Variants in RGSL1 observed in about 807,000 individuals in gnomAD.
RGSL1 encodes regulator of G protein signaling protein-like.
A neutral mutation model predicts 124.7 loss-of-function variants in RGSL1; 97 were observed. The observed-to-expected ratio is 0.78, with a 90% CI of 0.66 to 0.92. RGSL1 has a LOEUF of 0.92. Among genes scored for constraint, RGSL1 ranks in the 40% least tolerant of loss-of-function variants. The pLI, the probability that RGSL1 is intolerant of heterozygous loss-of-function variation, is 0.00. For synonymous variants in RGSL1, 424 were observed against 438.1 expected, an observed-to-expected ratio of 0.97 and a Z score of 0.40; for missense variants, 1,233 against 1,288.4, an observed-to-expected ratio of 0.96 and a Z score of 0.66.
At chr1:182,532,943 C>A (rs1007910859) in intron 14 of RGSL1, among the ~76,000 whole-genome samples, 152 bp downstream of exon 14, 1 of 152,098 alleles carries the variant, frequency 6.6e-6, no homozygotes, top group African/African-American at 2.4e-5. Context: ...CAGGCCCAGG[C>A]CTTCCTAGAG....
chr1:182,492,561 T>G (rs930429798), intron 8 of RGSL1, among the ~76,000 whole-genome samples: 4 of 152,040 alleles, frequency 2.6e-5, no homozygotes, highest in African/African-American at 9.7e-5. Flanking sequence ...GCCTATAATT[T>G]AGCTTAGGGA....
chr1:182,492,656 C>A (rs1054474113), intron 8 of RGSL1, among the ~76,000 whole-genome samples: 4 of 150,706 alleles, frequency 2.7e-5, no homozygotes, highest in Middle Eastern at 6.8e-3. Flanking sequence ...ATGGATTCTC[C>A]CTCTGTGGCC....
At chr1:182,480,588 T>C (rs1178034619) in intron 6 of RGSL1, among the ~76,000 whole-genome samples, 3 of 151,954 alleles carry the variant, frequency 2.0e-5, no homozygotes, top group Non-Finnish European at 4.4e-5. Flanking sequence ...CCTGAGTAGC[T>C]GGAATTACAG....
intron 16 of RGSL1, 114 bp from the exon 17 acceptor site, chr1:182,548,586 T>A (rs1353207468): frequency 6.6e-7 from 1 of 1,509,818 alleles, no homozygotes; most frequent in Non-Finnish European, 8.9e-7. Flanking sequence ...AGCAACTCCA[T>A]GAAAACCGTA....
At chr1:182,517,852 A>G (rs1658015623) in intron 9 of RGSL1, among the ~76,000 whole-genome samples, 1 of 152,194 alleles carries the variant, frequency 6.6e-6, no homozygotes, top group South Asian at 2.1e-4. Context: ...GAGAGCTCAC[A>G]TATCACCATC....
chr1:182,499,487 T>C (rs1340716942), intron 9 of RGSL1, among the ~76,000 whole-genome samples: 1 of 152,248 alleles, frequency 6.6e-6, no homozygotes, highest in Admixed American at 6.5e-5. Context: ...GAAATTAGAA[T>C]AGCAACCTCT....
intron 1 of RGSL1, among the ~76,000 whole-genome samples, chr1:182,451,504 C>T (rs1029362289): frequency 3.5e-5 from 4 of 115,480 alleles, no homozygotes; most frequent in African/African-American, 8.0e-5. Flanking sequence ...ACATTTGAAG[C>T]AATGGGAATA....
At chr1:182,536,577 G>A (rs1489112328) in intron 14 of RGSL1, among the ~76,000 whole-genome samples, 1 of 152,136 alleles carries the variant, frequency 6.6e-6, no homozygotes, top group Non-Finnish European at 1.5e-5. Flanking sequence ...TCATGTGCTT[G>A]CTTGACATAT....
At chr1:182,466,821 T>C (rs266518) in intron 4 of RGSL1, among the ~76,000 whole-genome samples, 13,043 of 152,060 alleles carry the variant, frequency 0.086, 758 homozygotes, top group East Asian at 0.26. Context: ...AATAGAAACG[T>C]CAATCCTAAA....
At chr1:182,465,247 T>C (rs1165121597) in intron 4 of RGSL1, among the ~76,000 whole-genome samples, 5 of 152,042 alleles carry the variant, frequency 3.3e-5, no homozygotes, top group African/African-American at 7.3e-5. Flanking sequence ...AATCAAAAGA[T>C]ATAGAAAATC....
At chr1:182,541,593 A>G (rs1452791610) in intron 15 of RGSL1, among the ~76,000 whole-genome samples, 1 of 152,178 alleles carries the variant, frequency 6.6e-6, no homozygotes, top group African/African-American at 2.4e-5. Context: ...ATATATACCC[A>G]GTATTAGGAT....
Position 182,522,964 on chromosome 1 carries a change from A to G in RGSL1, c.1931+855A>G, listed in dbSNP as rs373596186. ...GTTGAGGATATAGTAGAACATATACATTTGCTAGTCAAAATCTCTGGCAGA... is the reference window on the plus strand; with the variant it reads ...GTTGAGGATATAGTAGAACATATACGTTTGCTAGTCAAAATCTCTGGCAGA... On this transcript the variant is annotated intron_variant, in intron 10 of 21. Transcript: ENST00000294854. Among the ~76,000 whole-genome samples, 10 of 152,236 alleles carry G rather than the reference A, an allele frequency of 6.6e-5. No homozygotes were observed. In the East Asian group the frequency reaches 1.2e-3, roughly 18 times the overall value.
At position 182,558,857 on chromosome 1, in the gene RGSL1, C is replaced by T. The variant is rs79322302; in HGVS notation, c.*166-1422C>T. Among the ~76,000 whole-genome samples, 616 of 152,214 alleles carry T rather than the reference C, an allele frequency of 4.0e-3. 3 individuals are homozygous for T. The highest frequency in any genetic ancestry group is 0.013 in the African/African-American group (549 of 41,520). ...TTTAAGGTCCTTAGCCTTAATTCCACCCACCAAATTCCTTTTGCTATGTAA... is the reference window on the plus strand; with the variant it reads ...TTTAAGGTCCTTAGCCTTAATTCCATCCACCAAATTCCTTTTGCTATGTAA... On this transcript the variant is annotated intron_variant, in intron 21 of 21. Coordinates refer to ENST00000294854, the MANE Select transcript of RGSL1 (RefSeq NM_001137669.2).
At chr1:182,472,159 C>G (rs1283521273) in intron 4 of RGSL1, among the ~76,000 whole-genome samples, 1 of 152,064 alleles carries the variant, frequency 6.6e-6, no homozygotes, top group African/African-American at 2.4e-5. Context: ...GATGGTTTTT[C>G]TAACACCAGC....
At chr1:182,537,155 T>G (rs74128945) in intron 14 of RGSL1, among the ~76,000 whole-genome samples, 1 of 152,088 alleles carries the variant, frequency 6.6e-6, no homozygotes. Context: ...ATCCTCCAAA[T>G]TCCAAAACTT....
intron 11 of RGSL1, among the ~76,000 whole-genome samples, chr1:182,530,004 C>T (rs1659044325): frequency 6.6e-6 from 1 of 152,104 alleles, no homozygotes; most frequent in Non-Finnish European, 1.5e-5. Flanking sequence ...CTTAAGCACT[C>T]ATCCTGCAAA....
chr1:182,460,490 C>A, intron 4 of RGSL1: 6 of 370,072 alleles, frequency 1.6e-5, no homozygotes, highest in South Asian at 1.3e-4. Flanking sequence ...AGTAAAATTG[C>A]CTAATTTAGA....
chr1:182,503,946 A>G (rs1056096553), intron 9 of RGSL1, among the ~76,000 whole-genome samples: 1 of 150,784 alleles, frequency 6.6e-6, no homozygotes, highest in African/African-American at 2.4e-5. Flanking sequence ...TCAGCCCCCA[A>G]ATTTTTATTT....
intron 9 of RGSL1, among the ~76,000 whole-genome samples, chr1:182,521,530 A>G (rs1397666337): frequency 3.9e-5 from 6 of 152,242 alleles, no homozygotes; most frequent in Non-Finnish European, 8.8e-5. Flanking sequence ...TATTAAAACA[A>G]GAAGATGGAG....
Sources: gnomAD v4.1 joint callset for allele counts (sites outside exome capture counted in the v4.1 genomes callset) on GRCh38, gnomAD v4.1.1 for gene constraint, MANE v1.5 for transcripts, NCBI Gene and HGNC (gene_info 2026-07-23, HGNC 2026-07-21) for gene names.